MAP3K13: variants seen among roughly 807,000 people sequenced by gnomAD.
MAP3K13 encodes leucine zipper-bearing kinase.
A neutral mutation model predicts 104.0 loss-of-function variants in MAP3K13; 52 were observed. That is an observed-to-expected ratio of 0.50 (90% CI 0.40 to 0.63). The LOEUF is 0.63. MAP3K13 is among the 20% of genes least tolerant of loss of function. The pLI is 0.00. For missense variants in MAP3K13, 914 were observed against 1,218.5 expected (o/e 0.75, Z 3.72); for synonymous variants, 394 against 442.2 (o/e 0.89, Z 1.37).
At chr3:185,356,595 T>C (rs1007212390) in intron 2 of MAP3K13, among the ~76,000 whole-genome samples, 6 of 152,208 alleles carry the variant, frequency 3.9e-5, no homozygotes, top group Non-Finnish European at 7.3e-5. Context: ...ACAGCTAGTA[T>C]CCTGATGAAA....
At chr3:185,378,843 A>G (rs1724566656) in intron 1 of MAP3K13, among the ~76,000 whole-genome samples, 1 of 152,170 alleles carries the variant, frequency 6.6e-6, no homozygotes, top group Admixed American at 6.5e-5. Context: ...TGTAGGATGG[A>G]GAAATCAAAA....
At chr3:185,312,635 G>A (rs756856164) in intron 2 of MAP3K13, among the ~76,000 whole-genome samples, 2 of 152,170 alleles carry the variant, frequency 1.3e-5, no homozygotes, top group Non-Finnish European at 2.9e-5. Flanking sequence ...AATTATATAT[G>A]AGATATCAAT....
At chr3:185,309,030 A>T (rs752367706) in intron 2 of MAP3K13, among the ~76,000 whole-genome samples, 1 of 152,076 alleles carries the variant, frequency 6.6e-6, no homozygotes, top group Admixed American at 6.6e-5. Flanking sequence ...TTCTCTTCTT[A>T]TAAGGATGCC....
chr3:185,410,808 G>A (rs1172337084), intron 1 of MAP3K13, among the ~76,000 whole-genome samples: 10 of 151,716 alleles, frequency 6.6e-5, no homozygotes, highest in Admixed American at 5.9e-4. Context: ...TGTGGCGGGC[G>A]CCTGTAATCC....
chr3:185,455,681 G>GAT (rs1268459277), intron 7 of MAP3K13, among the ~76,000 whole-genome samples: 5 of 8,178 alleles, frequency 6.1e-4, no homozygotes, highest in Non-Finnish European at 3.4e-4. Flanking sequence ...ATATATATGA[G>GAT]ATATATATAT....
rs1036487472 is a variant in MAP3K13 at position 185,486,293 on chromosome 3, G to A, written c.*3837G>A. ...TGTTATGAGTATGTTAGGGTAGTAC[G>A]TAGTGGCTGAATCTCAGTCATTCAT... is the stretch of plus-strand genomic sequence containing the variant. On this transcript the variant is annotated 3_prime_UTR_variant, in exon 14 of 14. Coordinates refer to ENST00000265026, the MANE Select transcript of MAP3K13 (RefSeq NM_004721.5). 5.3e-5 allele frequency: 8 copies of A among 152,188 alleles called. No homozygotes were observed. In the East Asian group the frequency reaches 7.7e-4, roughly 15 times the overall value. 9.4% of individuals were successfully genotyped at this position (152,188 alleles called of 1,614,324 possible).
chr3:185,454,379 G>GATAT (rs1346289787), intron 7 of MAP3K13, among the ~76,000 whole-genome samples: 5 of 11,940 alleles, frequency 4.2e-4, no homozygotes, highest in African/African-American at 6.2e-4. Context: ...ATATATATGA[G>GATAT]ATATATGAGA....
intron 2 of MAP3K13, among the ~76,000 whole-genome samples, chr3:185,335,672 A>G (rs2108713239): frequency 6.6e-6 from 1 of 152,306 alleles, no homozygotes; most frequent in East Asian, 1.9e-4. Flanking sequence ...ACATCCTCTC[A>G]TATACTTTAA....
chr3:185,437,282 T>C (rs904059550), intron 2 of MAP3K13, among the ~76,000 whole-genome samples, 165 bp from the exon 3 acceptor site: 1 of 152,160 alleles, frequency 6.6e-6, no homozygotes, highest in African/African-American at 2.4e-5. Flanking sequence ...TGTTTATGAA[T>C]ATTTGATCTA....
chr3:185,387,111 T>C (rs1289764338), intron 1 of MAP3K13, among the ~76,000 whole-genome samples: 2 of 152,130 alleles, frequency 1.3e-5, no homozygotes, highest in African/African-American at 4.8e-5. Context: ...ATACATCACA[T>C]CAACATCAGC....
intron 1 of MAP3K13, among the ~76,000 whole-genome samples, chr3:185,284,560 A>T: frequency 6.6e-6 from 1 of 152,010 alleles, no homozygotes; most frequent in Non-Finnish European, 1.5e-5. Flanking sequence ...TACTAAAAAT[A>T]TGGAAAAAAT....
intron 1 of MAP3K13, among the ~76,000 whole-genome samples, chr3:185,389,749 G>C (rs1020932317): frequency 1.3e-5 from 2 of 150,980 alleles, no homozygotes; most frequent in South Asian, 2.1e-4. Context: ...GTTTATGTGA[G>C]TTATATCGTC....
chr3:185,471,698 G>C (rs1717801659), intron 10 of MAP3K13, among the ~76,000 whole-genome samples: 1 of 151,756 alleles, frequency 6.6e-6, no homozygotes. Flanking sequence ...GACCTCAAGT[G>C]ATCCACCTGC....
chr3:185,405,587 C>T (rs1364878721), intron 1 of MAP3K13, among the ~76,000 whole-genome samples: 1 of 152,222 alleles, frequency 6.6e-6, no homozygotes, highest in Non-Finnish European at 1.5e-5. Context: ...TGTCTTCTTC[C>T]AGACAGCAGC....
chr3:185,295,616 T>C (rs1720894652), intron 2 of MAP3K13, among the ~76,000 whole-genome samples: 1 of 152,216 alleles, frequency 6.6e-6, no homozygotes, highest in Non-Finnish European at 1.5e-5. Flanking sequence ...TTAAATATTA[T>C]TTTTTCCAAG....
At chr3:185,394,890 T>G (rs995506419) in intron 1 of MAP3K13, among the ~76,000 whole-genome samples, 26 of 152,126 alleles carry the variant, frequency 1.7e-4, no homozygotes, top group Non-Finnish European at 3.7e-4. Flanking sequence ...TACCTCATTA[T>G]CTCATCTATA....
intron 2 of MAP3K13, among the ~76,000 whole-genome samples, chr3:185,352,691 A>T (rs1723181151): frequency 6.6e-6 from 1 of 152,220 alleles, no homozygotes; most frequent in South Asian, 2.1e-4. Flanking sequence ...TTGAACATAG[A>T]TGGCATGCAT....
intron 4 of MAP3K13, among the ~76,000 whole-genome samples, chr3:185,447,519 A>G (rs1483860598): frequency 6.6e-6 from 1 of 150,532 alleles, no homozygotes; most frequent in African/African-American, 2.4e-5. Flanking sequence ...AAAAAAAAAA[A>G]AAAGAGTTAA....
Position 185,443,496 on chromosome 3 carries a change from C to T in MAP3K13, c.711C>T (p.Ala237=). The stretch of plus-strand genomic sequence containing the variant: ...ATTGTATTATCATGGAATACTGTGC[C>T]CATGGACAACTCTACGAGGTCTTAC... The part of the protein sequence containing the change: ...PCYCIIMEYC[A]HGQLYEVLRA... Residue 237 remains alanine, a synonymous_variant, in exon 4 of 14, where the codon GCC becomes GCT. Transcript: ENST00000265026. The T allele has an allele frequency of 6.2e-7, 1 of 1,614,000 alleles. No individual in the cohort carries two copies. Among genetic ancestry groups the T allele is most frequent in the Non-Finnish European group, 8.5e-7 (1 of 1,179,974 alleles).
Sources: gnomAD v4.1 joint callset for allele counts (sites outside exome capture counted in the v4.1 genomes callset) on GRCh38, gnomAD v4.1.1 for gene constraint, MANE v1.5 for transcripts, NCBI Gene and HGNC (gene_info 2026-07-23, HGNC 2026-07-21) for gene names.